PPP1R14C: variants seen among roughly 807,000 people sequenced by gnomAD.
PPP1R14C encodes protein phosphatase 1 regulatory inhibitor subunit 14C, also known as protein phosphatase 1 regulatory subunit 14C.
A neutral mutation model predicts 20.4 loss-of-function variants in PPP1R14C; 16 were observed. That is an observed-to-expected ratio of 0.78 (90% CI 0.53 to 1.19). The LOEUF (loss-of-function observed/expected upper bound fraction) is 1.19. Among genes scored for constraint, PPP1R14C ranks in the 50% most tolerant of loss-of-function variants. The pLI, the probability that PPP1R14C is intolerant of heterozygous loss-of-function variation, is 0.00. For missense variants in PPP1R14C, 211 were observed against 220.1 expected, an observed-to-expected ratio of 0.96 and a Z score of 0.26; for synonymous variants, 91 against 91.0, an observed-to-expected ratio of 1.00 and a Z score of 0.00.
intron 1 of PPP1R14C, among the ~76,000 whole-genome samples, chr6:150,159,823 C>A (rs1018435167): frequency 2.6e-5 from 4 of 152,110 alleles, no homozygotes; most frequent in Admixed American, 6.5e-5. Context: ...TGTTCGGATT[C>A]TTTAGTTTTT....
chr6:150,201,498 C>T lies in PPP1R14C; in HGVS notation c.307-13246C>T, dbSNP rs188349365. Among the ~76,000 whole-genome samples, 52 of 152,198 alleles carry T rather than the reference C, an allele frequency of 3.4e-4. No homozygotes were observed. The highest frequency in any genetic ancestry group is 3.3e-4 in the Admixed American group (5 of 15,292). ...GTCCTGAGGGATCGGAGGAGACCAGCGGAGTTAGAGCTCAGGGAGTTGGGG... is the reference window on the plus strand; with the variant it reads ...GTCCTGAGGGATCGGAGGAGACCAGTGGAGTTAGAGCTCAGGGAGTTGGGG... On this transcript the variant is annotated intron_variant, in intron 1 of 3. Transcript: ENST00000361131. This position sits in a 1 kb window ranked among gnomAD's most constrained non-coding sequence, Gnocchi z 4.2.
intron 1 of PPP1R14C, among the ~76,000 whole-genome samples, chr6:150,196,698 G>GCA (rs1200995549): frequency 1.3e-5 from 2 of 152,142 alleles, no homozygotes; most frequent in African/African-American, 4.8e-5. Context: ...TAAAATTAAA[G>GCA]CATGGCCTCT....
chr6:150,177,488 C>A (rs538744841), intron 1 of PPP1R14C, among the ~76,000 whole-genome samples: 1 of 152,156 alleles, frequency 6.6e-6, no homozygotes, highest in South Asian at 2.1e-4. Flanking sequence ...ATGTGTAGCA[C>A]GTTCTCAGGC....
intron 1 of PPP1R14C, among the ~76,000 whole-genome samples, chr6:150,193,253 A>G (rs1324876387): frequency 1.3e-5 from 2 of 152,050 alleles, no homozygotes; most frequent in Non-Finnish European, 2.9e-5. Context: ...CACAGGAAGA[A>G]GAAAAAGAGG....
intron 3 of PPP1R14C, among the ~76,000 whole-genome samples, chr6:150,238,203 T>C (rs1476708479): frequency 2.6e-5 from 4 of 152,268 alleles, no homozygotes; most frequent in African/African-American, 9.6e-5. Flanking sequence ...AAATAGATAC[T>C]GCTTGTCTTG....
chr6:150,181,498 C>T (rs1294674268), intron 1 of PPP1R14C, among the ~76,000 whole-genome samples: 1 of 152,160 alleles, frequency 6.6e-6, no homozygotes, highest in East Asian at 1.9e-4. Flanking sequence ...TAATTATTAG[C>T]TATCAATGTT....
At chr6:150,175,829 A>G (rs6918437) in intron 1 of PPP1R14C, among the ~76,000 whole-genome samples, 63,787 of 152,070 alleles carry the variant, frequency 0.42, 14,364 homozygotes, top group East Asian at 0.8. Context: ...TCATATCCCA[A>G]TCTGGCCTGT....
rs201093428 is a variant in PPP1R14C, at chr6:150,217,322, A to G, written c.423+466A>G. Among the ~76,000 whole-genome samples the G allele has an allele frequency of 1.9e-4, 28 of 151,198 alleles. No homozygotes were observed. The East Asian group carries it at 5.5e-3, about 30-fold the overall frequency. ...CCAATTCTCCCGCCTCAGCCTCCTG[A>G]GTAGCTGGGATTACAGACGTGCGTC... On this transcript the variant is annotated intron_variant, in intron 3 of 3. Transcript: ENST00000361131.
At position 150,143,103 on chromosome 6, in the gene PPP1R14C, T is replaced by A; in HGVS notation, c.-90T>A. 8.7e-7 allele frequency: 1 copy of A among 1,147,614 alleles called. No individual in the cohort carries two copies. Among genetic ancestry groups the A allele is most frequent in the South Asian group, 4.3e-5 (1 of 23,164 alleles). 71.1% of individuals were successfully genotyped at this position (1,147,614 alleles called of 1,614,324 possible). The stretch of plus-strand genomic sequence containing the variant: ...AGCAGGTGCCGGGGAGCCCTTCGCA[T>A]GCGGCTGCCGGGCCGGAGGTGGTAG... On this transcript the variant is annotated 5_prime_UTR_variant, in exon 1 of 4. An upstream start codon of the reference 5' UTR is lost. Transcript: ENST00000361131. The surrounding 1 kb of genome is among the most constrained non-coding windows in gnomAD (Gnocchi z 5.6).
intron 1 of PPP1R14C, among the ~76,000 whole-genome samples, chr6:150,211,619 A>G (rs553378548): frequency 1.3e-3 from 202 of 152,352 alleles, no homozygotes; most frequent in Admixed American, 3.6e-3. Context: ...TAGGACTTCA[A>G]TCAAATTTAG....
At chr6:150,237,144 C>T (rs1025398138) in intron 3 of PPP1R14C, among the ~76,000 whole-genome samples, 18 of 112,036 alleles carry the variant, frequency 1.6e-4, no homozygotes, top group East Asian at 3.0e-4. Flanking sequence ...CGAAAATGGG[C>T]GGGGGTGGGG....
chr6:150,192,978 G>C (rs1254912177), intron 1 of PPP1R14C, among the ~76,000 whole-genome samples: 1 of 152,202 alleles, frequency 6.6e-6, no homozygotes, highest in Non-Finnish European at 1.5e-5. Context: ...TGACCTTTTA[G>C]TGGGAGGGAG....
chr6:150,217,499 G>A (rs569636167), intron 3 of PPP1R14C, among the ~76,000 whole-genome samples: 8 of 151,886 alleles, frequency 5.3e-5, no homozygotes, highest in African/African-American at 1.5e-4. Flanking sequence ...CCGGCCTATC[G>A]GTATGTATTT....
chr6:150,210,575 G>C (rs1258668652), intron 1 of PPP1R14C, among the ~76,000 whole-genome samples: 1 of 152,194 alleles, frequency 6.6e-6, no homozygotes. Context: ...GGAGCCTTCA[G>C]TGTGACAGTC....
At chr6:150,171,760 GA>G (rs1777502348) in intron 1 of PPP1R14C, among the ~76,000 whole-genome samples, 1 of 152,192 alleles carries the variant, frequency 6.6e-6, no homozygotes, top group African/African-American at 2.4e-5. Flanking sequence ...GTCATTAAGT[GA>G]AATCAACAAA....
At chr6:150,153,550 T>G (rs1777274182) in intron 1 of PPP1R14C, among the ~76,000 whole-genome samples, 1 of 152,244 alleles carries the variant, frequency 6.6e-6, no homozygotes, top group Non-Finnish European at 1.5e-5. Flanking sequence ...TAGCAAGTGC[T>G]TTTCCATCTG....
chr6:150,224,647 C>G (rs1778209094), intron 3 of PPP1R14C, among the ~76,000 whole-genome samples: 1 of 152,140 alleles, frequency 6.6e-6, no homozygotes, highest in Non-Finnish European at 1.5e-5. Flanking sequence ...CTTACATTCC[C>G]CATCTGTTCT....
Position 150,143,336 on chromosome 6 carries a change from G to A in PPP1R14C, c.144G>A (p.Ala48=), listed in dbSNP as rs1463400970. 6.2e-7 allele frequency: 1 copy of A among 1,603,156 alleles called. No homozygotes were observed. The highest frequency in any genetic ancestry group is 8.5e-7 in the Non-Finnish European group (1 of 1,176,254). The change falls in exon 1 of 4, where the codon GCG becomes GCA. Residue 48 remains alanine (A), a synonymous_variant. Transcript: ENST00000361131. This position sits in a 1 kb window ranked among gnomAD's most constrained non-coding sequence, Gnocchi z 5.6. The part of the protein sequence containing the change: ...SGSGSSREDS[A]PVATAAAAGQ... The stretch of plus-strand genomic sequence containing the variant: ...CAGGCTCCTCCCGGGAGGACTCGGC[G>A]CCCGTGGCCACGGCGGCCGCTGCAG...
At chr6:150,169,456 A>G (rs1480814646) in intron 1 of PPP1R14C, among the ~76,000 whole-genome samples, 3 of 152,212 alleles carry the variant, frequency 2.0e-5, no homozygotes. Flanking sequence ...ACAAATGCCA[A>G]TATCCAACTA....
Sources: allele counts gnomAD v4.1 joint callset (sites outside exome capture counted in the v4.1 genomes callset), GRCh38; gene constraint gnomAD v4.1.1; non-coding constraint Gnocchi (gnomAD v3.1); transcripts MANE v1.5; gene names NCBI Gene and HGNC (gene_info 2026-07-23, HGNC 2026-07-21).